KCNQ3: variants seen among roughly 807,000 people sequenced by gnomAD.
KCNQ3 encodes potassium voltage-gated channel subfamily KQT member 3.
A neutral mutation model predicts 92.5 loss-of-function variants in KCNQ3; 30 were observed. The observed-to-expected ratio is 0.32, with a 90% CI of 0.24 to 0.44. The LOEUF (loss-of-function observed/expected upper bound fraction) is 0.44, where lower values mean the gene tolerates loss of function less well. Ranked by LOEUF, KCNQ3 falls within the 20% of genes least tolerant of loss-of-function variation. The pLI is 1.00. For synonymous variants in KCNQ3, 450 were observed against 468.8 expected (o/e 0.96, Z 0.52); for missense variants, 913 against 1,140.3 (o/e 0.80, Z 2.87).
At chr8:132,288,698 T>TC (rs1491106594) in intron 1 of KCNQ3, among the ~76,000 whole-genome samples, 1 of 152,192 alleles carries the variant, frequency 6.6e-6, no homozygotes, top group Non-Finnish European at 1.5e-5. Flanking sequence ...TGTTTTTTTT[T>TC]CTCTTACATG....
rs201143253 is a variant in KCNQ3 at position 132,169,073 on chromosome 8, G to A, written c.1235+1261C>T. On this transcript the variant is annotated intron_variant, in intron 8 of 14. Transcript: ENST00000388996. ...AGTGAAAAGACCATGGGCTTTGAAA[G>A]CCTCCAGATGTAGCTGACATTGGTT... 2.0e-5 allele frequency among the ~76,000 whole-genome samples: 3 copies of A among 152,262 alleles called. No individual in the cohort carries two copies. In the East Asian group the frequency reaches 5.8e-4, roughly 29 times the overall value.
At chr8:132,218,295 T>C (rs1018301254) in intron 1 of KCNQ3, among the ~76,000 whole-genome samples, 3 of 152,164 alleles carry the variant, frequency 2.0e-5, no homozygotes, top group African/African-American at 4.8e-5. Context: ...ACAGGATGGA[T>C]GGCGCATAAA....
At chr8:132,285,536 T>C (rs1454551128) in intron 1 of KCNQ3, among the ~76,000 whole-genome samples, 1 of 152,226 alleles carries the variant, frequency 6.6e-6, no homozygotes, top group Non-Finnish European at 1.5e-5. Flanking sequence ...GATGTATGGT[T>C]ACTTATAACT....
chr8:132,374,660 GCTCTTCTCTCTCCTCCC>G (rs1819563113), intron 1 of KCNQ3, among the ~76,000 whole-genome samples: 2 of 151,990 alleles, frequency 1.3e-5, no homozygotes, highest in Non-Finnish European at 2.9e-5. Flanking sequence ...ATTTTTTTCT[GCTCTTCTCTCTCCTCCC>G]AGCCTCCACC....
chr8:132,315,170 G>A (rs1431693663), intron 1 of KCNQ3, among the ~76,000 whole-genome samples: 1 of 152,162 alleles, frequency 6.6e-6, no homozygotes, highest in African/African-American at 2.4e-5. Context: ...ATATATTTAG[G>A]AGGCTGATAT....
In KCNQ3 at chr8:132,154,324, C is replaced by T. The variant is rs147903845; in HGVS notation, c.1262+9144G>A. Reference sequence around the variant, plus strand: ...CACACACTCTTATTTCATATTTATACGTGTTTTCTAATAACTCAGTTTGTC... The same window carrying T: ...CACACACTCTTATTTCATATTTATATGTGTTTTCTAATAACTCAGTTTGTC... On this transcript the variant is annotated intron_variant, in intron 9 of 14. Transcript: ENST00000388996. 2.4e-3 allele frequency among the ~76,000 whole-genome samples: 353 copies of T among 147,482 alleles called. 1 individual carries two copies. Among genetic ancestry groups the T allele is most frequent in the African/African-American group, 6.8e-3 (274 of 40,200 alleles).
intron 1 of KCNQ3, 30 bp from the exon 2 acceptor site, chr8:132,186,211 A>C (rs750491387): frequency 6.6e-7 from 1 of 1,522,504 alleles, no homozygotes; most frequent in African/African-American, 1.4e-5. Context: ...TGGACTAAGG[A>C]ACCTTTGAGT....
At position 132,129,341 on chromosome 8, in the gene KCNQ3, G is replaced by A; in HGVS notation, c.2540C>T (p.Pro847Leu). The change falls in exon 15 of 15, where the codon CCC becomes CTC. Residue 847 changes from proline to leucine, a missense_variant. Physicochemically the swap from Pro to Leu is moderately conservative, Grantham distance 98. This residue lies in a region of KCNQ3 where 375 missense variants were observed against 376.4 expected (regional missense o/e 1.00). Transcript: ENST00000388996. The surrounding 1 kb of genome is among the most constrained non-coding windows in gnomAD (Gnocchi z 5.9). ...ETDTDTDPFT[P>L]SGSMPLSSTG... ...GGACGACAGAGGCATGGAGCCGCTG[G>A]GCGTGAAGGGGTCCGTGTCTGTGTC... is the stretch of plus-strand genomic sequence containing the variant. The A allele has an allele frequency of 6.2e-7, 1 of 1,614,222 alleles. No individual in the cohort carries two copies. The highest frequency in any genetic ancestry group is 1.1e-5 in the South Asian group (1 of 91,086).
intron 1 of KCNQ3, among the ~76,000 whole-genome samples, chr8:132,445,562 T>C (rs1821653572): frequency 1.3e-5 from 2 of 152,182 alleles, no homozygotes; most frequent in South Asian, 4.1e-4. Flanking sequence ...AAAAAACGAC[T>C]CTAATAAGCA....
chr8:132,129,336 C>T lies in KCNQ3; in HGVS notation c.2545G>A (p.Gly849Ser), dbSNP rs761201259. Reference sequence around the variant, plus strand: ...CCTGTGGACGACAGAGGCATGGAGCCGCTGGGCGTGAAGGGGTCCGTGTCT... The same window carrying T: ...CCTGTGGACGACAGAGGCATGGAGCTGCTGGGCGTGAAGGGGTCCGTGTCT... ...DTDTDPFTPS[G>S]SMPLSSTGDG... The change falls in exon 15 of 15, where the codon GGC (glycine) becomes AGC (serine). Residue 849 changes from glycine to serine, a missense_variant. By Grantham distance (56) the Gly-to-Ser change is moderately conservative. Around this residue, in one of 6 missense-constraint regions of KCNQ3, gnomAD observed 375 missense variants for 376.4 expected, o/e 1.00. Coordinates refer to ENST00000388996, the MANE Select transcript of KCNQ3 (RefSeq NM_004519.4). The surrounding 1 kb of genome is among the most constrained non-coding windows in gnomAD (Gnocchi z 5.9). 9.3e-6 allele frequency: 15 copies of T among 1,614,168 alleles called. No homozygotes were observed. Among genetic ancestry groups the T allele is most frequent in the African/African-American group, 4.0e-5 (3 of 75,066 alleles).
At chr8:132,334,074 T>C (rs1818301227) in intron 1 of KCNQ3, among the ~76,000 whole-genome samples, 3 of 152,162 alleles carry the variant, frequency 2.0e-5, no homozygotes, top group African/African-American at 7.2e-5. Context: ...ATGTACCAGC[T>C]GGGAAGTCAT....
Position 132,128,883 on chromosome 8 carries a change from A to G in KCNQ3, c.*379T>C. On this transcript the variant is annotated 3_prime_UTR_variant, in exon 15 of 15. Coordinates refer to ENST00000388996, the MANE Select transcript of KCNQ3 (RefSeq NM_004519.4). ...AGTGATCCTAGAAATAACTTAAACT[A>G]CTTTCTCTGCTTACCAAACCAAAAC... The G allele has an allele frequency of 4.4e-6, 1 of 227,346 alleles. No homozygotes were observed. The highest frequency in any genetic ancestry group is 8.7e-6 in the Non-Finnish European group (1 of 114,324). The allele number at this position is 227,346 out of a possible 1,614,324, so 14.1% of individuals were successfully genotyped here.
chr8:132,198,023 G>A (rs1827352223), intron 1 of KCNQ3, among the ~76,000 whole-genome samples: 1 of 152,104 alleles, frequency 6.6e-6, no homozygotes, highest in South Asian at 2.1e-4. Context: ...AAGTTGGCTG[G>A]GACCTGTGCT....
At chr8:132,315,199 G>A (rs1817706240) in intron 1 of KCNQ3, among the ~76,000 whole-genome samples, 1 of 152,116 alleles carries the variant, frequency 6.6e-6, no homozygotes, top group Non-Finnish European at 1.5e-5. Flanking sequence ...TATGCAACAG[G>A]GCAAGAAGAA....
At chr8:132,325,186 A>G (rs1156944576) in intron 1 of KCNQ3, among the ~76,000 whole-genome samples, 1 of 152,048 alleles carries the variant, frequency 6.6e-6, no homozygotes. Context: ...AAAGACAGTT[A>G]GTCAGTCAAT....
chr8:132,148,784 C>A (rs1389056647), intron 9 of KCNQ3, among the ~76,000 whole-genome samples: 2 of 152,162 alleles, frequency 1.3e-5, no homozygotes, highest in Non-Finnish European at 2.9e-5. Context: ...GAGATTGGAG[C>A]TCCTGGTTCT....
At chr8:132,449,086 G>A (rs1037081142) in intron 1 of KCNQ3, among the ~76,000 whole-genome samples, 10 of 152,176 alleles carry the variant, frequency 6.6e-5, no homozygotes, top group East Asian at 1.9e-4. Context: ...CTTCAGCTAC[G>A]ATGTGGGGAT....
chr8:132,302,045 G>A (rs1390995937), intron 1 of KCNQ3, among the ~76,000 whole-genome samples: 4 of 152,214 alleles, frequency 2.6e-5, no homozygotes, highest in Non-Finnish European at 5.9e-5. Context: ...GGGGCTGGAA[G>A]ACCAGTCCAG....
At chr8:132,416,081 G>A (rs1014256097) in intron 1 of KCNQ3, among the ~76,000 whole-genome samples, 38 of 152,204 alleles carry the variant, frequency 2.5e-4, no homozygotes, top group African/African-American at 8.2e-4. Flanking sequence ...GGTTCTACCA[G>A]AAGACACCTT....
Sources: gnomAD v4.1 joint callset for allele counts (sites outside exome capture counted in the v4.1 genomes callset) on GRCh38, gnomAD v4.1.1 for gene constraint, gnomAD v4.1.1 regional missense constraint, Gnocchi (gnomAD v3.1) non-coding constraint, MANE v1.5 for transcripts, NCBI Gene and HGNC (gene_info 2026-07-23, HGNC 2026-07-21) for gene names.